NRXN3: variants seen among roughly 807,000 people sequenced by gnomAD.
NRXN3 encodes neurexin 3, also known as neurexin III.
Under a neutral mutation model 137.6 loss-of-function variants are expected in NRXN3, and 32 were observed. The observed-to-expected ratio is 0.23, with a 90% CI of 0.18 to 0.31. The LOEUF (loss-of-function observed/expected upper bound fraction) is 0.31. Among genes scored for constraint, NRXN3 ranks in the 10% least tolerant of loss-of-function variants. NRXN3 has a pLI of 1.00. For synonymous variants in NRXN3, 798 were observed against 784.5 expected, an observed-to-expected ratio of 1.02 and a Z score of -0.29; for missense variants, 1,574 against 2,062.5, an observed-to-expected ratio of 0.76 and a Z score of 4.59.
intron 10 of NRXN3, among the ~76,000 whole-genome samples, chr14:78,856,501 T>G (rs1223825494): frequency 2.0e-5 from 3 of 152,220 alleles, no homozygotes; most frequent in African/African-American, 7.2e-5. Flanking sequence ...TTATAAATCC[T>G]TTGTAATAGT....
At chr14:78,495,507 T>C (rs1416862366) in intron 4 of NRXN3, among the ~76,000 whole-genome samples, 1 of 152,172 alleles carries the variant, frequency 6.6e-6, no homozygotes, top group Non-Finnish European at 1.5e-5. Flanking sequence ...ACTAATTTGC[T>C]TGAATAATTT....
chr14:78,593,480 A>C (rs1425231275), intron 4 of NRXN3, among the ~76,000 whole-genome samples: 2 of 152,200 alleles, frequency 1.3e-5, no homozygotes, highest in African/African-American at 4.8e-5. Context: ...TCCCAAGCAC[A>C]GGCTAAGCAC....
At chr14:78,182,973 G>A (rs1318530485) in intron 1 of NRXN3, among the ~76,000 whole-genome samples, 2 of 152,204 alleles carry the variant, frequency 1.3e-5, no homozygotes, top group Non-Finnish European at 2.9e-5. Flanking sequence ...TTCCCAGGCG[G>A]CGGACATCTC....
At chr14:78,867,178 T>TA (rs1433945176) in intron 10 of NRXN3, among the ~76,000 whole-genome samples, 3 of 152,194 alleles carry the variant, frequency 2.0e-5, no homozygotes, top group Non-Finnish European at 4.4e-5. Context: ...TTAGACTTTT[T>TA]ACCACCTGCT....
chr14:78,952,381 C>A (rs940821117), intron 10 of NRXN3, among the ~76,000 whole-genome samples: 1 of 152,144 alleles, frequency 6.6e-6, no homozygotes, highest in Non-Finnish European at 1.5e-5. Context: ...ACATAAAACG[C>A]CTTTTTCCTA....
chr14:78,496,815 G>C (rs561974417), intron 4 of NRXN3, among the ~76,000 whole-genome samples: 1 of 152,016 alleles, frequency 6.6e-6, no homozygotes, highest in Non-Finnish European at 1.5e-5. Flanking sequence ...ATGCAGGGAA[G>C]AGGGAGAAGT....
rs539979887 is a variant in NRXN3, at chr14:79,866,514, C to T, written c.*4550C>T. ...TCTAAGCAAACCCTTAAAGTGGGAG[C>T]AAGCAGGATCAAAACCATAATTTGG... On this transcript the variant is annotated 3_prime_UTR_variant, in exon 21 of 21. Transcript: ENST00000335750. The T allele has an allele frequency of 6.6e-6, 1 of 152,110 alleles. No homozygotes were observed. The highest frequency in any genetic ancestry group is 2.4e-5 in the African/African-American group (1 of 41,490). 9.4% of individuals were successfully genotyped at this position (152,110 alleles called of 1,614,324 possible).
chr14:78,970,755 T>G (rs983081128), intron 14 of NRXN3, among the ~76,000 whole-genome samples: 2 of 152,190 alleles, frequency 1.3e-5, no homozygotes, highest in Non-Finnish European at 2.9e-5. Context: ...AGTTTGGCAT[T>G]ACTCATCACA....
At chr14:79,354,429 G>A (rs2093345820) in intron 15 of NRXN3, among the ~76,000 whole-genome samples, 1 of 152,114 alleles carries the variant, frequency 6.6e-6, no homozygotes, top group South Asian at 2.1e-4. Flanking sequence ...AAAATTAGGT[G>A]ACTATTTTCA....
chr14:78,248,302 G>GC lies in NRXN3; in HGVS notation c.709+4514dup, dbSNP rs1177541167. Reference sequence around the variant, plus strand: ...CAGTAGTGACTAGCCACCGCCCCCCGCCCCCCCCCCCCCCACCCGCCACCT... The same window carrying GC: ...CAGTAGTGACTAGCCACCGCCCCCCGCCCCCCCCCCCCCCCACCCGCCACCT... On this transcript the variant is annotated intron_variant, in intron 2 of 20. Transcript: ENST00000335750. Among the ~76,000 whole-genome samples, 173 of 22,530 alleles carry GC rather than the reference G, an allele frequency of 7.7e-3. 3 individuals carry two copies. The highest frequency in any genetic ancestry group is 0.057 in the South Asian group (21 of 366). The allele number at this position is 22,530 out of a possible 152,430, so 14.8% of individuals were successfully genotyped here. A position where few individuals can be genotyped will look rare whatever the true frequency, so the allele number is the denominator to read the frequency against.
At chr14:78,278,425 A>G (rs1363167298) in intron 2 of NRXN3, among the ~76,000 whole-genome samples, 1 of 152,316 alleles carries the variant, frequency 6.6e-6, no homozygotes, top group African/African-American at 2.4e-5. Flanking sequence ...GCTACATGCA[A>G]AGTGAAAAGG....
chr14:78,368,433 G>A (rs560641076), intron 4 of NRXN3, among the ~76,000 whole-genome samples: 1 of 152,304 alleles, frequency 6.6e-6, no homozygotes, highest in South Asian at 2.1e-4. Flanking sequence ...GGAGATGGCC[G>A]GGCACAGCGG....
intron 8 of NRXN3, among the ~76,000 whole-genome samples, chr14:78,787,139 C>T (rs551553872): frequency 6.6e-6 from 1 of 152,072 alleles, no homozygotes; most frequent in South Asian, 2.1e-4. Flanking sequence ...TTTTGGTTCA[C>T]GTTGTATTTG....
chr14:79,767,125 CA>C (rs1453250407), intron 19 of NRXN3, among the ~76,000 whole-genome samples: 1 of 152,188 alleles, frequency 6.6e-6, no homozygotes, highest in Admixed American at 6.5e-5. Flanking sequence ...TTGGAGAAGA[CA>C]AAATCCTTAA....
intron 4 of NRXN3, among the ~76,000 whole-genome samples, chr14:78,364,563 G>T (rs563873183): frequency 6.6e-6 from 1 of 152,264 alleles, no homozygotes; most frequent in East Asian, 1.9e-4. Context: ...GATGTCAGAT[G>T]TATACATGTG....
intron 15 of NRXN3, among the ~76,000 whole-genome samples, chr14:79,341,027 G>A (rs1280539065): frequency 2.0e-5 from 3 of 152,162 alleles, no homozygotes; most frequent in Admixed American, 2.0e-4. Context: ...AATTAAAAGG[G>A]TTAATGGGAG....
At chr14:78,273,269 C>G (rs940139946) in intron 2 of NRXN3, among the ~76,000 whole-genome samples, 9 of 152,328 alleles carry the variant, frequency 5.9e-5, no homozygotes, top group African/African-American at 2.2e-4. Flanking sequence ...GGCCAGTTAC[C>G]TAAGCTTTCT....
intron 15 of NRXN3, among the ~76,000 whole-genome samples, chr14:79,411,225 G>C (rs1421205064): frequency 6.6e-6 from 1 of 151,970 alleles, no homozygotes; most frequent in Non-Finnish European, 1.5e-5. Flanking sequence ...ATTTAATGGA[G>C]GGGTATTACC....
At chr14:79,569,571 GA>G (rs1045672519) in intron 16 of NRXN3, among the ~76,000 whole-genome samples, 5 of 151,308 alleles carry the variant, frequency 3.3e-5, no homozygotes, top group African/African-American at 9.7e-5. Flanking sequence ...GATCAACAAA[GA>G]AAAAAATTAA....
Sources: gnomAD v4.1 joint callset for allele counts (sites outside exome capture counted in the v4.1 genomes callset) on GRCh38, gnomAD v4.1.1 for gene constraint, MANE v1.5 for transcripts, NCBI Gene and HGNC (gene_info 2026-07-23, HGNC 2026-07-21) for gene names.